DLC1: variants seen among roughly 807,000 people sequenced by gnomAD.
DLC1 encodes rho GTPase-activating protein 7.
A neutral mutation model predicts 140.3 loss-of-function variants in DLC1; 54 were observed. The ratio of observed to expected loss-of-function variants is 0.38; its 90% confidence interval spans 0.31 to 0.48. The LOEUF is 0.48. DLC1 is among the 20% of genes least tolerant of loss of function. The probability of loss-of-function intolerance (pLI) is 0.96; values close to 1 mark genes in which losing one functional copy is unlikely to be tolerated. For synonymous variants in DLC1, 986 were observed against 728.1 expected (o/e 1.35, Z -5.70); for missense variants, 2,536 against 1,907.0 (o/e 1.33, Z -6.14).
intron 4 of DLC1, among the ~76,000 whole-genome samples, chr8:13,375,802 A>G (rs747503109): frequency 5.3e-5 from 8 of 152,196 alleles, no homozygotes; most frequent in Non-Finnish European, 1.0e-4. Context: ...ATTTGAATTC[A>G]AAGAAGAACA....
chr8:13,126,834 G>C (rs901358319), intron 5 of DLC1, among the ~76,000 whole-genome samples: 1 of 152,194 alleles, frequency 6.6e-6, no homozygotes, highest in Non-Finnish European at 1.5e-5. Flanking sequence ...AAATAAAATA[G>C]TGTGCAAATT....
At chr8:13,400,298 A>G (rs187369318) in intron 3 of DLC1, among the ~76,000 whole-genome samples, 48 of 152,248 alleles carry the variant, frequency 3.2e-4, no homozygotes, top group Non-Finnish European at 5.7e-4. Flanking sequence ...GGTACTTCTT[A>G]TATACATTTT....
chr8:13,103,823 G>C (rs1302612341), intron 7 of DLC1, among the ~76,000 whole-genome samples: 1 of 115,530 alleles, frequency 8.7e-6, no homozygotes, highest in Non-Finnish European at 1.7e-5. Flanking sequence ...CTGGGCAAAA[G>C]AGCCAGACTC....
chr8:13,141,850 G>A (rs577280215), intron 5 of DLC1, among the ~76,000 whole-genome samples: 57 of 152,256 alleles, frequency 3.7e-4, no homozygotes, highest in Non-Finnish European at 7.2e-4. Context: ...TGGGGGAACT[G>A]CAAGGCAACG....
intron 1 of DLC1, among the ~76,000 whole-genome samples, chr8:13,600,950 C>A (rs1015636691): frequency 2.0e-5 from 3 of 151,640 alleles, no homozygotes; most frequent in African/African-American, 4.8e-5. Flanking sequence ...AGTATTTTCC[C>A]AATTTAATTT....
At chr8:13,318,137 C>T (rs189294160) in intron 4 of DLC1, among the ~76,000 whole-genome samples, 5 of 152,132 alleles carry the variant, frequency 3.3e-5, no homozygotes, top group Admixed American at 1.3e-4. Context: ...AAGTGATCCT[C>T]TTGCCTCAGT....
intron 2 of DLC1, among the ~76,000 whole-genome samples, chr8:13,432,534 A>C (rs1838925517): frequency 6.6e-6 from 1 of 152,230 alleles, no homozygotes; most frequent in Admixed American, 6.5e-5. Flanking sequence ...GAGAAATATT[A>C]AATTCTTTGC....
intron 5 of DLC1, among the ~76,000 whole-genome samples, chr8:13,135,572 A>AAATAAT (rs35305577): frequency 6.6e-6 from 1 of 152,076 alleles, no homozygotes; most frequent in Non-Finnish European, 1.5e-5. Flanking sequence ...CAAACTTAAA[A>AAATAAT]AATAAGAGTG....
intron 5 of DLC1, among the ~76,000 whole-genome samples, chr8:13,280,116 T>C (rs941748493): frequency 3.6e-5 from 5 of 140,064 alleles, no homozygotes; most frequent in Non-Finnish European, 7.7e-5. Context: ...CCGTCTCTAC[T>C]AAAAATACAA....
intron 2 of DLC1, among the ~76,000 whole-genome samples, chr8:13,411,194 C>T (rs1317674353): frequency 1.3e-5 from 2 of 152,140 alleles, no homozygotes; most frequent in African/African-American, 2.4e-5. Flanking sequence ...AATGGATAAA[C>T]AGTGGTACAT....
intron 2 of DLC1, among the ~76,000 whole-genome samples, chr8:13,441,490 G>A (rs551933441): frequency 1.4e-4 from 21 of 152,262 alleles, no homozygotes; most frequent in East Asian, 1.3e-3. Context: ...CTCCTTAAGC[G>A]GATAGGCAAC....
At chr8:13,531,610 A>T (rs1010153785) in intron 1 of DLC1, among the ~76,000 whole-genome samples, 1 of 152,110 alleles carries the variant, frequency 6.6e-6, no homozygotes, top group African/African-American at 2.4e-5. Flanking sequence ...AAAACCCTTA[A>T]TACTAGCAAC....
At chr8:13,479,135 GA>G (rs1345817659) in intron 2 of DLC1, among the ~76,000 whole-genome samples, 2 of 152,206 alleles carry the variant, frequency 1.3e-5, no homozygotes, top group Admixed American at 6.5e-5. Context: ...GTCCTTTGGA[GA>G]AAAGATGTTA....
At chr8:13,462,502 C>G (rs920295581) in intron 2 of DLC1, among the ~76,000 whole-genome samples, 5 of 150,528 alleles carry the variant, frequency 3.3e-5, no homozygotes, top group Admixed American at 6.7e-5. Context: ...CTCCCAGGTT[C>G]ACGCCATTCT....
chr8:13,159,153 C>G (rs1246812319), intron 5 of DLC1, among the ~76,000 whole-genome samples: 1 of 152,122 alleles, frequency 6.6e-6, no homozygotes, highest in Non-Finnish European at 1.5e-5. Context: ...TTTTAGGCCT[C>G]TAAATCAAAT....
At chr8:13,354,859 G>T (rs573816090) in intron 4 of DLC1, among the ~76,000 whole-genome samples, 3 of 151,168 alleles carry the variant, frequency 2.0e-5, no homozygotes, top group Non-Finnish European at 4.4e-5. Context: ...TGAGATGGGA[G>T]GATTGCTTGA....
At chr8:13,559,022 G>A (rs1268701568) in intron 1 of DLC1, 1 of 152,168 alleles carries the variant, frequency 6.6e-6, no homozygotes, top group Non-Finnish European at 1.5e-5. Context: ...ATTAGTAAAG[G>A]GTCTAACAAC....
At chr8:13,226,938 C>T (rs1476591296) in intron 5 of DLC1, among the ~76,000 whole-genome samples, 1 of 152,054 alleles carries the variant, frequency 6.6e-6, no homozygotes, top group East Asian at 1.9e-4. Flanking sequence ...ATGCTGGAAC[C>T]ACCATGGACT....
chr8:13,518,124 T>TTGTTTC (rs1293559809), upstream of DLC1, among the ~76,000 whole-genome samples: 1 of 152,026 alleles, frequency 6.6e-6, no homozygotes, highest in East Asian at 1.9e-4. Context: ...GTTTTTGTTT[T>TTGTTTC]TGAGACAGAG....
Sources: allele counts gnomAD v4.1 joint callset (sites outside exome capture counted in the v4.1 genomes callset), GRCh38; gene constraint gnomAD v4.1.1; transcripts MANE v1.5; gene names NCBI Gene and HGNC (gene_info 2026-07-23, HGNC 2026-07-21).